The following PTPRJ variants were observed in gnomAD, a reference collection of about 807,000 sequenced individuals.
The protein encoded by PTPRJ is protein tyrosine phosphatase receptor type J.
Under a neutral mutation model 141.3 loss-of-function variants are expected in PTPRJ, and 129 were observed. The ratio of observed to expected loss-of-function variants is 0.91; its 90% CI spans 0.79 to 1.06. The LOEUF (loss-of-function observed/expected upper bound fraction) is 1.06. PTPRJ is among the 50% of genes least tolerant of loss of function. PTPRJ has a pLI of 0.00. For missense variants in PTPRJ, 1,601 were observed against 1,679.7 expected, an observed-to-expected ratio of 0.95 and a Z score of 0.82; for synonymous variants, 610 against 640.5, an observed-to-expected ratio of 0.95 and a Z score of 0.72.
intron 19 of PTPRJ, among the ~76,000 whole-genome samples, chr11:48,155,229 A>T (rs908800758): frequency 6.6e-6 from 1 of 152,152 alleles, no homozygotes; most frequent in African/African-American, 2.4e-5. Context: ...TGTTTTTATA[A>T]CAACTTGTTT....
chr11:48,164,122 C>A (rs1002270850), intron 23 of PTPRJ, among the ~76,000 whole-genome samples: 8 of 152,158 alleles, frequency 5.3e-5, no homozygotes, highest in Non-Finnish European at 7.3e-5. Flanking sequence ...TTGAATGGAA[C>A]TGAGATTGAA....
intron 1 of PTPRJ, among the ~76,000 whole-genome samples, chr11:48,017,849 C>T (rs181987594): frequency 1.6e-4 from 25 of 152,312 alleles, no homozygotes; most frequent in Admixed American, 4.6e-4. Flanking sequence ...TGGGCAGTGA[C>T]ACCAGTATTA....
intron 1 of PTPRJ, among the ~76,000 whole-genome samples, chr11:48,047,290 G>A (rs1192227173): frequency 6.7e-6 from 1 of 149,512 alleles, no homozygotes; most frequent in Non-Finnish European, 1.5e-5. Context: ...GTGAACTCTT[G>A]AACACATTTT....
intron 12 of PTPRJ, 123 bp downstream of exon 12, chr11:48,143,173 C>G (rs1263675212): frequency 2.4e-6 from 3 of 1,267,100 alleles, no homozygotes; most frequent in African/African-American, 3.0e-5. Flanking sequence ...GCAGCCTATG[C>G]TGTGTACTCA....
chr11:48,164,324 A>T, intron 23 of PTPRJ, 56 bp from the exon 24 acceptor site: 1 of 1,594,756 alleles, frequency 6.3e-7, no homozygotes, highest in African/African-American at 1.3e-5. Flanking sequence ...AGGAACTCTA[A>T]GAGGGTTGCA....
In PTPRJ at chr11:48,123,700, C is replaced by T. The variant is rs1313452875; in HGVS notation, c.704C>T (p.Ser235Phe). 1.2e-6 allele frequency: 2 copies of T among 1,614,022 alleles called. No individual in the cohort carries two copies. Among genetic ancestry groups the T allele is most frequent in the African/African-American group, 1.3e-5 (1 of 74,912 alleles). ...LSWSNGNGTA[S>F]CRVLLESIGS... is the part of the protein sequence containing the mutation. ...TGGAGCAATGGCAATGGCACTGCCT[C>T]CTGCCGGGTTCTTCTTGAAAGCATT... is the stretch of plus-strand genomic sequence containing the variant. Residue 235 changes from serine to phenylalanine, a missense_variant, in exon 5 of 25, where the codon TCC becomes TTC. By Grantham distance (155) the Ser-to-Phe change is radical. Coordinates refer to ENST00000418331, the MANE Select transcript of PTPRJ (RefSeq NM_002843.4).
rs1468638431 is a variant in PTPRJ, at chr11:48,150,128, C to G, written c.3083C>G (p.Ala1028Gly). 1 of 1,613,904 alleles carries G rather than the reference C, an allele frequency of 6.2e-7. No homozygotes were observed. Among genetic ancestry groups the G allele is most frequent in the Admixed American group, 1.7e-5 (1 of 59,988 alleles). Residue 1028 changes from alanine (A) to glycine (G), a missense_variant, in exon 18 of 25, where the codon GCC (alanine) becomes GGC (glycine). By Grantham distance (60) the Ala-to-Gly change is moderately conservative (BLOSUM62 0). Coordinates refer to ENST00000418331, the MANE Select transcript of PTPRJ (RefSeq NM_002843.4). ...TTAATCAGAGTGGAGAATTTTGAGG[C>G]CTACTTCAAGAAGCAGCAAGCTGAC... ...SKLIRVENFE[A>G]YFKKQQADSN...
chr11:48,161,610 T>C (rs533677783), intron 22 of PTPRJ, among the ~76,000 whole-genome samples: 4 of 152,038 alleles, frequency 2.6e-5, no homozygotes, highest in African/African-American at 4.8e-5. Flanking sequence ...TTTTCTTTTC[T>C]TTTCTTTTTT....
intron 1 of PTPRJ, among the ~76,000 whole-genome samples, chr11:48,078,215 C>A (rs142825622): frequency 6.6e-6 from 1 of 152,030 alleles, no homozygotes; most frequent in East Asian, 1.9e-4. Flanking sequence ...CCCACCACCA[C>A]GCTTGGCTAA....
chr11:48,109,938 T>C, intron 1 of PTPRJ, 120 bp from the exon 2 acceptor site: 1 of 1,131,384 alleles, frequency 8.8e-7, no homozygotes. Flanking sequence ...AGCAGACCTT[T>C]GCTTAATGTG....
intron 1 of PTPRJ, among the ~76,000 whole-genome samples, chr11:48,085,795 C>T (rs375575601): frequency 6.6e-6 from 1 of 152,192 alleles, no homozygotes; most frequent in Non-Finnish European, 1.5e-5. Flanking sequence ...TCTGTGGATC[C>T]TATAGGCTTC....
At position 48,125,960 on chromosome 11, in the gene PTPRJ, G is replaced by T. The variant is rs116899052; in HGVS notation, c.1093+774G>T. Among the ~76,000 whole-genome samples, 563 of 152,298 alleles carry T rather than the reference G, an allele frequency of 3.7e-3. 3 individuals carry two copies. The highest frequency in any genetic ancestry group is 6.1e-3 in the Non-Finnish European group (418 of 68,030). On this transcript the variant is annotated intron_variant, in intron 6 of 24. Coordinates refer to ENST00000418331, the MANE Select transcript of PTPRJ (RefSeq NM_002843.4). ...TGCCTGACCTCATGGGGCCTGCAGT[G>T]ACCTGGCAGGAGTGGCAGGTGGGAG...
rs757974665 is a variant in PTPRJ, at chr11:48,150,168, C to T, written c.3123C>T (p.Phe1041=). 2.0e-5 allele frequency: 33 copies of T among 1,613,642 alleles called. No individual in the cohort carries two copies. The highest frequency in any genetic ancestry group is 4.4e-5 in the South Asian group (4 of 91,058). Residue 1041 remains phenylalanine (F), a synonymous_variant, in exon 18 of 25, where the codon TTC becomes TTT. Transcript: ENST00000418331. ...KKQQADSNCG[F]AEEYEDLKLV... is the part of the protein sequence containing the mutation. ...AGCAAGCTGACTCCAACTGTGGGTT[C>T]GCAGAGGAATACGAAGTATGTTGCT... is the stretch of plus-strand genomic sequence containing the variant.
At chr11:48,105,222 T>A (rs1484214403) in intron 1 of PTPRJ, among the ~76,000 whole-genome samples, 6 of 139,610 alleles carry the variant, frequency 4.3e-5, no homozygotes, top group East Asian at 2.4e-4. Flanking sequence ...TCCCCCAAGC[T>A]CACCAGGTCC....
At chr11:48,015,176 C>G (rs1854918969) in intron 1 of PTPRJ, among the ~76,000 whole-genome samples, 1 of 151,890 alleles carries the variant, frequency 6.6e-6, no homozygotes, top group Non-Finnish European at 1.5e-5. Flanking sequence ...TGCTGCAGGC[C>G]TTAGCTGCTG....
intron 1 of PTPRJ, among the ~76,000 whole-genome samples, chr11:48,039,615 TTC>T (rs1854223507): frequency 6.6e-6 from 1 of 152,096 alleles, no homozygotes; most frequent in Non-Finnish European, 1.5e-5. Flanking sequence ...CCTGTCTCTT[TTC>T]TCTTTCTGAA....
intron 14 of PTPRJ, among the ~76,000 whole-genome samples, chr11:48,146,032 G>C (rs1331123401): frequency 6.6e-6 from 1 of 151,934 alleles, no homozygotes; most frequent in Non-Finnish European, 1.5e-5. Context: ...GTAGAGATGG[G>C]GTCTTGCTAT....
intron 1 of PTPRJ, among the ~76,000 whole-genome samples, chr11:48,080,269 A>G (rs1480041223): frequency 6.6e-6 from 1 of 152,164 alleles, no homozygotes; most frequent in Non-Finnish European, 1.5e-5. Context: ...ACAAATCTTA[A>G]CTTTTTCAAG....
In PTPRJ at chr11:48,169,608, G is replaced by A. The variant is rs1285884460; in HGVS notation, c.*2246G>A. 1 of 152,154 alleles carries A rather than the reference G, an allele frequency of 6.6e-6. No homozygotes were observed. Among genetic ancestry groups the A allele is most frequent in the Non-Finnish European group, 1.5e-5 (1 of 68,050 alleles). 9.4% of individuals were successfully genotyped at this position (152,154 alleles called of 1,614,324 possible). A position where few individuals can be genotyped will look rare whatever the true frequency, so the allele number is the denominator to read the frequency against. ...CAATATGTCCGAAACCATTGTGATG[G>A]GTGGCAAATCCCAGGGAGCTCCTAA... On this transcript the variant is annotated 3_prime_UTR_variant, in exon 25 of 25. Transcript: ENST00000418331.
Sources: allele counts gnomAD v4.1 joint callset (sites outside exome capture counted in the v4.1 genomes callset), GRCh38; gene constraint gnomAD v4.1.1; transcripts MANE v1.5; gene names NCBI Gene and HGNC (gene_info 2026-07-23, HGNC 2026-07-21).